Variants in STXBP5L observed in about 807,000 individuals in gnomAD.
STXBP5L encodes the protein syntaxin-binding protein 5-like.
A neutral mutation model predicts 144.5 loss-of-function variants in STXBP5L; 65 were observed. That is an observed-to-expected ratio of 0.45 (90% CI 0.37 to 0.55). STXBP5L has a LOEUF of 0.55. STXBP5L is among the 20% of genes least tolerant of loss of function. STXBP5L has a pLI of 0.00. For missense variants in STXBP5L, 1,298 were observed against 1,405.5 expected, an observed-to-expected ratio of 0.92 and a Z score of 1.22; for synonymous variants, 505 against 469.6, an observed-to-expected ratio of 1.08 and a Z score of -0.97.
At chr3:121,401,394 G>A (rs1374664389) in intron 22 of STXBP5L, among the ~76,000 whole-genome samples, 1 of 150,674 alleles carries the variant, frequency 6.6e-6, no homozygotes, top group Admixed American at 6.6e-5. Flanking sequence ...CCATTACTGG[G>A]TATATACCCA....
chr3:121,074,504 C>T (rs1413807536), intron 5 of STXBP5L, among the ~76,000 whole-genome samples: 1 of 152,156 alleles, frequency 6.6e-6, no homozygotes, highest in Non-Finnish European at 1.5e-5. Context: ...GGATGGGATA[C>T]TGACGGATTC....
At chr3:121,157,377 A>G (rs547048756) in intron 8 of STXBP5L, 127 bp from the exon 9 acceptor site, 1 of 1,040,444 alleles carries the variant, frequency 9.6e-7, no homozygotes, top group African/African-American at 1.7e-5. Context: ...TGGGTCAGAA[A>G]AATTATGTTT....
intron 3 of STXBP5L, among the ~76,000 whole-genome samples, chr3:120,992,186 C>G (rs1942961962): frequency 6.6e-6 from 1 of 151,870 alleles, no homozygotes; most frequent in Non-Finnish European, 1.5e-5. Context: ...TAATATTTCT[C>G]TGTATTTATG....
chr3:121,268,401 G>T (rs996331201), intron 18 of STXBP5L, among the ~76,000 whole-genome samples: 14 of 152,134 alleles, frequency 9.2e-5, no homozygotes, highest in African/African-American at 3.4e-4. Context: ...ACTGGGACCT[G>T]TCAGGGGATG....
In STXBP5L at chr3:121,279,865, G is replaced by A. The variant is rs556051558; in HGVS notation, c.2019G>A (p.Leu673=). 1.2e-6 allele frequency: 2 copies of A among 1,612,552 alleles called. No homozygotes were observed. Among genetic ancestry groups the A allele is most frequent in the Non-Finnish European group, 1.7e-6 (2 of 1,178,980 alleles). The change falls in exon 19 of 27, where the codon CTG becomes CTA. Residue 673 remains leucine, a synonymous_variant. Transcript: ENST00000471454. ...AVVDFIQKTV[L]LSMGTIDLYR... is the part of the protein sequence containing the mutation. ...TGGATTTTATACAGAAGACAGTACT[G>A]TTAAGCATGGGGACCATTGACCTAT...
intron 5 of STXBP5L, among the ~76,000 whole-genome samples, chr3:121,083,103 G>A (rs1020571837): frequency 9.2e-5 from 14 of 152,086 alleles, no homozygotes; most frequent in Non-Finnish European, 1.6e-4. Flanking sequence ...GGAGGCCGAG[G>A]CAGGAGAATT....
chr3:120,924,475 GTATCAGGTAAA>G (rs375269891), intron 2 of STXBP5L: 1 of 152,360 alleles, frequency 6.6e-6, no homozygotes, highest in African/African-American at 2.4e-5. Context: ...TTTGTGATTA[GTATCAGGTAAA>G]TATCTAAACT....
intron 23 of STXBP5L, among the ~76,000 whole-genome samples, chr3:121,409,742 G>A (rs564908320): frequency 6.6e-6 from 1 of 152,072 alleles, no homozygotes; most frequent in South Asian, 2.1e-4. Flanking sequence ...CCATGTTTCT[G>A]TATATTGACT....
At chr3:121,172,400 C>A (rs1009508214) in intron 9 of STXBP5L, among the ~76,000 whole-genome samples, 1 of 152,124 alleles carries the variant, frequency 6.6e-6, no homozygotes, top group Admixed American at 6.5e-5. Flanking sequence ...GGACAGGCAA[C>A]CTACAGAATG....
intron 12 of STXBP5L, among the ~76,000 whole-genome samples, chr3:121,235,545 C>T (rs1184308888): frequency 6.6e-6 from 1 of 151,970 alleles, no homozygotes; most frequent in Non-Finnish European, 1.5e-5. Flanking sequence ...TTATCGTTAC[C>T]TCTTGCTATT....
At chr3:121,091,533 T>G (rs1001670064) in intron 5 of STXBP5L, among the ~76,000 whole-genome samples, 1 of 152,220 alleles carries the variant, frequency 6.6e-6, no homozygotes, top group Non-Finnish European at 1.5e-5. Context: ...TGGCCAGTGA[T>G]GGTGAGCATT....
At chr3:120,917,099 T>A (rs1449040190) in intron 2 of STXBP5L, among the ~76,000 whole-genome samples, 1 of 152,180 alleles carries the variant, frequency 6.6e-6, no homozygotes, top group Non-Finnish European at 1.5e-5. Flanking sequence ...GCAGGTAATC[T>A]GAAGCATTCT....
intron 7 of STXBP5L, among the ~76,000 whole-genome samples, chr3:121,138,123 T>C (rs2045345156): frequency 6.6e-6 from 1 of 152,094 alleles, no homozygotes; most frequent in African/African-American, 2.4e-5. Flanking sequence ...TATATGTATA[T>C]GCTAATAGTA....
intron 5 of STXBP5L, among the ~76,000 whole-genome samples, chr3:121,096,406 A>G (rs981428103): frequency 1.3e-5 from 2 of 152,092 alleles, no homozygotes; most frequent in Non-Finnish European, 2.9e-5. Context: ...TGCTGGCGAG[A>G]CACTGTGATT....
At chr3:121,117,105 G>T (rs1032748484) in intron 6 of STXBP5L, among the ~76,000 whole-genome samples, 1 of 151,776 alleles carries the variant, frequency 6.6e-6, no homozygotes, top group East Asian at 1.9e-4. Flanking sequence ...TTATTTTAAT[G>T]TGTTTATATA....
chr3:121,409,972 A>G (rs972834589), intron 23 of STXBP5L, among the ~76,000 whole-genome samples: 3 of 151,800 alleles, frequency 2.0e-5, no homozygotes, highest in Non-Finnish European at 4.4e-5. Flanking sequence ...TAGATAGGGA[A>G]AATATGAGCA....
intron 20 of STXBP5L, among the ~76,000 whole-genome samples, chr3:121,363,886 T>A (rs538470045): frequency 5.3e-4 from 81 of 152,234 alleles, no homozygotes; most frequent in Non-Finnish European, 9.6e-4. Context: ...AGTAGTTTAT[T>A]TTGTTATTGT....
At chr3:120,916,668 C>A (rs1576413370) in intron 2 of STXBP5L, among the ~76,000 whole-genome samples, 2 of 152,054 alleles carry the variant, frequency 1.3e-5, no homozygotes, top group East Asian at 3.8e-4. Context: ...CTTATTTGGA[C>A]ATGTAAATTT....
intron 2 of STXBP5L, among the ~76,000 whole-genome samples, chr3:120,926,400 G>T (rs1195098838): frequency 1.4e-5 from 2 of 142,410 alleles, no homozygotes; most frequent in Non-Finnish European, 3.0e-5. Flanking sequence ...GGCCTATATA[G>T]TTTCCATTGA....
Sources: gnomAD v4.1 joint callset for allele counts (sites outside exome capture counted in the v4.1 genomes callset) on GRCh38, gnomAD v4.1.1 for gene constraint, MANE v1.5 for transcripts, NCBI Gene and HGNC (gene_info 2026-07-23, HGNC 2026-07-21) for gene names.